EYA1: variants seen among roughly 807,000 people sequenced by gnomAD.
The protein encoded by EYA1 is protein phosphatase EYA1.
EYA1 carries 16 observed loss-of-function variants against 82.0 expected under a neutral mutation model. The observed-to-expected ratio is 0.20, with a 90% confidence interval of 0.13 to 0.30. EYA1 has a LOEUF of 0.30. EYA1 is among the 10% of genes least tolerant of loss of function. The pLI is 1.00. For synonymous variants in EYA1, 261 were observed against 264.4 expected, an observed-to-expected ratio of 0.99 and a Z score of 0.12; for missense variants, 633 against 730.7, an observed-to-expected ratio of 0.87 and a Z score of 1.54.
chr8:71,287,380 T>C (rs1244638018), intron 9 of EYA1, among the ~76,000 whole-genome samples: 3 of 152,200 alleles, frequency 2.0e-5, no homozygotes, highest in Non-Finnish European at 4.4e-5. Flanking sequence ...TCTTAGAGAA[T>C]TGCTTTGACT....
At chr8:71,243,854 A>G (rs1812770482) in intron 12 of EYA1, among the ~76,000 whole-genome samples, 1 of 152,276 alleles carries the variant, frequency 6.6e-6, no homozygotes, top group East Asian at 1.9e-4. Context: ...CGAACAAAAC[A>G]ACAACTTGAT....
At chr8:71,486,336 C>T (rs971753664) in intron 2 of EYA1, among the ~76,000 whole-genome samples, 1 of 152,138 alleles carries the variant, frequency 6.6e-6, no homozygotes, top group African/African-American at 2.4e-5. Context: ...GAGGTATAAT[C>T]GACTCTACTG....
At chr8:71,310,224 G>C (rs1821186929) in intron 7 of EYA1, among the ~76,000 whole-genome samples, 1 of 147,086 alleles carries the variant, frequency 6.8e-6, no homozygotes, top group Non-Finnish European at 1.5e-5. Context: ...TTAAACATAC[G>C]ATGACAATAA....
intron 3 of EYA1, among the ~76,000 whole-genome samples, chr8:71,339,628 C>G (rs943628620): frequency 1.3e-5 from 2 of 151,638 alleles, no homozygotes; most frequent in Non-Finnish European, 2.9e-5. Flanking sequence ...GCATTAAATC[C>G]TTCATCTTCC....
At chr8:71,306,156 T>C (rs1200711229) in intron 7 of EYA1, among the ~76,000 whole-genome samples, 3 of 152,144 alleles carry the variant, frequency 2.0e-5, no homozygotes, top group Non-Finnish European at 4.4e-5. Context: ...TGAAGACACC[T>C]GGTTAGACTG....
At chr8:71,373,593 T>C (rs1334515629) in intron 2 of EYA1, among the ~76,000 whole-genome samples, 3 of 152,160 alleles carry the variant, frequency 2.0e-5, no homozygotes, top group African/African-American at 7.2e-5. Context: ...ATGTGATTCC[T>C]GTCAAAATTG....
chr8:71,200,380 T>G (rs575772999), intron 17 of EYA1, among the ~76,000 whole-genome samples: 9 of 152,318 alleles, frequency 5.9e-5, no homozygotes, highest in African/African-American at 2.2e-4. Flanking sequence ...TTTTTAAATG[T>G]GTAGGTGACA....
At chr8:71,452,130 C>T (rs915724000) in intron 2 of EYA1, among the ~76,000 whole-genome samples, 3 of 152,238 alleles carry the variant, frequency 2.0e-5, no homozygotes, top group African/African-American at 7.2e-5. Flanking sequence ...ATATCCCACG[C>T]ATGGCTTGGA....
chr8:71,525,311 A>C (rs1182918140), intron 2 of EYA1, among the ~76,000 whole-genome samples: 1 of 152,332 alleles, frequency 6.6e-6, no homozygotes, highest in Non-Finnish European at 1.5e-5. Flanking sequence ...AGTTGCATGA[A>C]ATCAAAATTT....
At chr8:71,487,864 A>G (rs1297003593) in intron 2 of EYA1, among the ~76,000 whole-genome samples, 2 of 152,228 alleles carry the variant, frequency 1.3e-5, no homozygotes, top group African/African-American at 2.4e-5. Flanking sequence ...CTCAGACATT[A>G]CTAGTGGAAG....
intron 4 of EYA1, among the ~76,000 whole-genome samples, chr8:71,331,666 G>A (rs1441166718): frequency 6.6e-6 from 1 of 151,922 alleles, no homozygotes; most frequent in Non-Finnish European, 1.5e-5. Flanking sequence ...GCAAAACTGT[G>A]ATTATACTGA....
intron 1 of EYA1, among the ~76,000 whole-genome samples, chr8:71,359,739 T>A (rs1177318193): frequency 6.6e-6 from 1 of 152,186 alleles, no homozygotes; most frequent in Non-Finnish European, 1.5e-5. Flanking sequence ...TTTAAAACTT[T>A]TTTTTCAAAC....
chr8:71,283,805 C>G (rs1818085468), intron 9 of EYA1, among the ~76,000 whole-genome samples: 1 of 152,100 alleles, frequency 6.6e-6, no homozygotes, highest in Non-Finnish European at 1.5e-5. Flanking sequence ...AAACTTGAGG[C>G]TGGGGTCAGG....
chr8:71,294,316 G>A (rs957603119), intron 9 of EYA1, among the ~76,000 whole-genome samples: 5 of 151,956 alleles, frequency 3.3e-5, no homozygotes, highest in Non-Finnish European at 7.4e-5. Context: ...AAAATTAGCC[G>A]GGCGTGGTAG....
chr8:71,212,694 T>G (rs76793864), intron 16 of EYA1, among the ~76,000 whole-genome samples: 1 of 152,232 alleles, frequency 6.6e-6, no homozygotes, highest in Non-Finnish European at 1.5e-5. Context: ...AGTATTCATT[T>G]TGATGAGTCC....
chr8:71,234,792 C>T (rs545791814), intron 12 of EYA1, among the ~76,000 whole-genome samples: 1 of 152,220 alleles, frequency 6.6e-6, no homozygotes, highest in South Asian at 2.1e-4. Context: ...ATTTGCCTCT[C>T]TCTTCTGAGA....
chr8:71,215,640 C>T lies in EYA1; in HGVS notation c.1449G>A (p.Leu483=). 1.2e-6 allele frequency: 2 copies of T among 1,614,156 alleles called. No individual in the cohort carries two copies. Among genetic ancestry groups the T allele is most frequent in the Non-Finnish European group, 1.7e-6 (2 of 1,180,006 alleles). Residue 483 remains leucine (L), a synonymous_variant, in exon 15 of 18, where the codon CTG becomes CTA. Transcript: ENST00000340726. ...ALTDSWLTLA[L]KALSLIHSRT... Reference sequence around the variant, plus strand: ...GGGAGTGAATGAGCGAGAGTGCTTTCAGGGCCAGTGTCAACCAGGAGTCGG... The same window carrying T: ...GGGAGTGAATGAGCGAGAGTGCTTTTAGGGCCAGTGTCAACCAGGAGTCGG...
intron 2 of EYA1, among the ~76,000 whole-genome samples, chr8:71,498,393 G>A (rs1167008987): frequency 1.3e-5 from 2 of 152,140 alleles, no homozygotes; most frequent in Non-Finnish European, 2.9e-5. Context: ...CTTGCCATGA[G>A]AGAACCTATT....
In EYA1 at chr8:71,322,276, A is replaced by G; in HGVS notation, c.203-8T>C. The G allele has an allele frequency of 1.2e-6, 2 of 1,612,224 alleles. No individual in the cohort carries two copies. Among genetic ancestry groups the G allele is most frequent in the Non-Finnish European group, 1.7e-6 (2 of 1,178,344 alleles). ...AACTACTGCTCCCAATTGCTGGAAA[A>G]CAAAAACAAAACAAAATAATGCACA... On this transcript the variant is annotated splice_region_variant and splice_polypyrimidine_tract_variant and intron_variant, in intron 4 of 17. Transcript: ENST00000340726.
Sources: allele counts gnomAD v4.1 joint callset (sites outside exome capture counted in the v4.1 genomes callset), GRCh38; gene constraint gnomAD v4.1.1; transcripts MANE v1.5; gene names NCBI Gene and HGNC (gene_info 2026-07-23, HGNC 2026-07-21).